AHI1: variants seen among roughly 807,000 people sequenced by gnomAD.
The protein encoded by AHI1 is jouberin.
AHI1 carries 123 observed loss-of-function variants against 149.3 expected under a neutral mutation model. The ratio of observed to expected loss-of-function variants is 0.82; its 90% CI spans 0.71 to 0.96. The LOEUF is 0.96. Ranked by LOEUF, AHI1 falls within the 40% of genes least tolerant of loss-of-function variation. The probability of loss-of-function intolerance (pLI) is 0.00; values close to 1 mark genes in which losing one functional copy is unlikely to be tolerated. For missense variants in AHI1, 1,439 were observed against 1,422.7 expected (o/e 1.01, Z -0.18); for synonymous variants, 475 against 459.8 (o/e 1.03, Z -0.42).
At chr6:135,311,506 TTCTTC>T (rs1377489333) in intron 26 of AHI1, among the ~76,000 whole-genome samples, 1 of 152,156 alleles carries the variant, frequency 6.6e-6, no homozygotes, top group African/African-American at 2.4e-5. Context: ...TTTTATACTA[TTCTTC>T]ACTGGTTAAA....
chr6:135,363,968 C>T (rs866288941), intron 23 of AHI1, among the ~76,000 whole-genome samples: 33 of 141,810 alleles, frequency 2.3e-4, no homozygotes, highest in South Asian at 1.8e-3. Context: ...CCCTCCCGGA[C>T]GGGGCGGCTG....
In AHI1 at chr6:135,466,275, G is replaced by A; in HGVS notation, c.288C>T (p.Val96=). 1 of 1,613,854 alleles carries A rather than the reference G, an allele frequency of 6.2e-7. No homozygotes were observed. Among genetic ancestry groups the A allele is most frequent in the Non-Finnish European group, 8.5e-7 (1 of 1,179,850 alleles). The change falls in exon 7 of 29, where the codon GTC becomes GTT. Residue 96 remains valine (V), a synonymous_variant. Coordinates refer to ENST00000265602, the MANE Select transcript of AHI1 (RefSeq NM_001134831.2). ...GTGTGTTCCTCAATTTGTTTTTAGT[G>A]ACTCTCGTGCTCTTCTTCAGGTTGT... ...NTNNLKKSTR[V]TKNKLRNTQL...
chr6:135,437,101 G>A (rs946864900), intron 15 of AHI1, among the ~76,000 whole-genome samples: 13 of 152,096 alleles, frequency 8.5e-5, no homozygotes, highest in Non-Finnish European at 1.8e-4. Context: ...ATATTAGGAG[G>A]GAAATCAGAG....
chr6:135,394,973 T>C (rs1779022327), intron 22 of AHI1, 77 bp from the exon 23 acceptor site: 1 of 1,464,430 alleles, frequency 6.8e-7, no homozygotes, highest in Non-Finnish European at 9.3e-7. Context: ...GAGAAATATT[T>C]GCTTATTATA....
chr6:135,394,727 C>G, intron 23 of AHI1, 49 bp downstream of exon 23: 1 of 1,601,742 alleles, frequency 6.2e-7, no homozygotes, highest in South Asian at 1.1e-5. Context: ...ATCAACACAA[C>G]AAGCATCTGA....
chr6:135,379,746 T>A (rs1390623931), intron 23 of AHI1, among the ~76,000 whole-genome samples: 1 of 152,082 alleles, frequency 6.6e-6, no homozygotes, highest in Non-Finnish European at 1.5e-5. Context: ...CTCCTCCTTG[T>A]TCCCTCCAAT....
intron 5 of AHI1, among the ~76,000 whole-genome samples, chr6:135,468,066 A>T (rs1432575625): frequency 1.3e-5 from 2 of 152,176 alleles, no homozygotes; most frequent in African/African-American, 4.8e-5. Flanking sequence ...TGTATATAAA[A>T]AGGTGATTTA....
chr6:135,293,073 G>A (rs770922849), intron 27 of AHI1, among the ~76,000 whole-genome samples: 1 of 152,080 alleles, frequency 6.6e-6, no homozygotes, highest in Non-Finnish European at 1.5e-5. Flanking sequence ...TTTTATCCGA[G>A]GAACGCGAAG....
At chr6:135,300,731 T>A in intron 26 of AHI1, 173 bp from the exon 27 acceptor site, 2 of 1,250,254 alleles carry the variant, frequency 1.6e-6, no homozygotes. Flanking sequence ...GACAATATAT[T>A]TGCTCCCATG....
intron 24 of AHI1, among the ~76,000 whole-genome samples, chr6:135,345,439 A>T (rs1433449514): frequency 6.6e-6 from 1 of 152,218 alleles, no homozygotes; most frequent in Non-Finnish European, 1.5e-5. Flanking sequence ...TCAGTGAATT[A>T]ATGGATAAAA....
chr6:135,409,676 C>T (rs1014413030), intron 21 of AHI1, among the ~76,000 whole-genome samples: 4 of 152,078 alleles, frequency 2.6e-5, no homozygotes, highest in Non-Finnish European at 5.9e-5. Context: ...AGCTTAGTTC[C>T]TATGTAGATA....
intron 26 of AHI1, among the ~76,000 whole-genome samples, chr6:135,310,010 A>G (rs1332963329): frequency 2.6e-5 from 4 of 152,162 alleles, no homozygotes; most frequent in African/African-American, 9.7e-5. Flanking sequence ...AAAAAATACA[A>G]ATTGATATTA....
intron 14 of AHI1, among the ~76,000 whole-genome samples, 155 bp from the exon 15 acceptor site, chr6:135,438,653 TAAG>T (rs1785787589): frequency 6.6e-6 from 1 of 152,092 alleles, no homozygotes; most frequent in Non-Finnish European, 1.5e-5. Context: ...AAAATTTACT[TAAG>T]AATAGTTTTT....
In AHI1 at chr6:135,426,814, C is replaced by T. The variant is rs191708039; in HGVS notation, c.2764+353G>A. 1.6e-3 allele frequency among the ~76,000 whole-genome samples: 239 copies of T among 151,594 alleles called. 1 individual carries two copies. Among genetic ancestry groups the T allele is most frequent in the African/African-American group, 5.3e-3 (219 of 41,408 alleles). On this transcript the variant is annotated intron_variant, in intron 20 of 28. Transcript: ENST00000265602. ...TTTCACTGATGTGATTTTCCCCCTA[C>T]TTTTTATGTTAAGAAACTCTCAAAA...
rs1280704542 is a variant in AHI1 at position 135,285,564 on chromosome 6, T to A, written c.*81A>T. The A allele has an allele frequency of 6.9e-7, 1 of 1,443,256 alleles. No individual in the cohort carries two copies. The highest frequency in any genetic ancestry group is 9.6e-7 in the Non-Finnish European group (1 of 1,036,648). 89.4% of individuals were successfully genotyped at this position (1,443,256 alleles called of 1,614,324 possible). On this transcript the variant is annotated 3_prime_UTR_variant, in exon 29 of 29. Coordinates refer to ENST00000265602, the MANE Select transcript of AHI1 (RefSeq NM_001134831.2). ...CTTCCTCCTTAGTATCTGAAAATTC[T>A]GAACTCTGAAGAGAAATTCCATTTG...
chr6:135,363,446 C>T (rs1160111925), intron 23 of AHI1, among the ~76,000 whole-genome samples: 3 of 152,210 alleles, frequency 2.0e-5, no homozygotes, highest in Admixed American at 6.5e-5. Context: ...CAATGTCTAC[C>T]TCTTTCTACA....
chr6:135,288,056 T>C (rs1321755619), intron 28 of AHI1, among the ~76,000 whole-genome samples: 6 of 151,918 alleles, frequency 3.9e-5, no homozygotes, highest in Non-Finnish European at 8.8e-5. Flanking sequence ...GATCGCACCA[T>C]TGCAGTCCAG....
Position 135,390,536 on chromosome 6 carries a change from T to C in AHI1, c.3109+4240A>G, listed in dbSNP as rs531890275. Among the ~76,000 whole-genome samples the C allele has an allele frequency of 2.0e-5, 3 of 152,218 alleles. No homozygotes were observed. The South Asian group carries it at 6.2e-4, about 32-fold the overall frequency. ...CGAATGAAGGAGTGGCTCTAGACAG[T>C]CTCCCTGAGGGCTGTGAGCAGGGAG... On this transcript the variant is annotated intron_variant, in intron 23 of 28. Coordinates refer to ENST00000265602, the MANE Select transcript of AHI1 (RefSeq NM_001134831.2).
At position 135,285,639 on chromosome 6, in the gene AHI1, A is replaced by G. The variant is rs766922082; in HGVS notation, c.*6T>C. On this transcript the variant is annotated 3_prime_UTR_variant, in exon 29 of 29. Transcript: ENST00000265602. ...TTTCGGCAGCTCTTAACTTTTCTTC[A>G]ATTCTTTACTGGAAAGAAAAATACA... The G allele has an allele frequency of 6.2e-7, 1 of 1,607,512 alleles. No homozygotes were observed. The highest frequency in any genetic ancestry group is 8.5e-7 in the Non-Finnish European group (1 of 1,176,106).
Sources: allele counts gnomAD v4.1 joint callset (sites outside exome capture counted in the v4.1 genomes callset), GRCh38; gene constraint gnomAD v4.1.1; transcripts MANE v1.5; gene names NCBI Gene and HGNC (gene_info 2026-07-23, HGNC 2026-07-21).